UGGT2: variants seen among roughly 807,000 people sequenced by gnomAD.
The protein encoded by UGGT2 is UDP-glucose:glycoprotein glucosyltransferase 2.
UGGT2 carries 180 observed loss-of-function variants against 192.1 expected under a neutral mutation model. That is an observed-to-expected ratio of 0.94 (90% CI 0.83 to 1.06). The LOEUF (loss-of-function observed/expected upper bound fraction) is 1.06, where lower values mean the gene tolerates loss of function less well. Ranked by LOEUF, UGGT2 falls within the 50% of genes least tolerant of loss-of-function variation. UGGT2 has a pLI of 0.00. For missense variants in UGGT2, 1,849 were observed against 1,795.7 expected (o/e 1.03, Z -0.54); for synonymous variants, 580 against 591.0 (o/e 0.98, Z 0.27).
chr13:95,806,093 C>G (rs1440857126), intron 38 of UGGT2, among the ~76,000 whole-genome samples: 2 of 122,158 alleles, frequency 1.6e-5, no homozygotes, highest in African/African-American at 6.4e-5. Context: ...TAAACAAAGA[C>G]AGGAGTCATT....
chr13:96,031,996 G>T, intron 1 of UGGT2, 25 bp from the exon 2 acceptor site: 1 of 1,534,314 alleles, frequency 6.5e-7, no homozygotes, highest in African/African-American at 1.4e-5. Flanking sequence ...GAAGTAATCG[G>T]TTAGTAGATG....
chr13:95,947,316 A>C, intron 14 of UGGT2, 144 bp from the exon 15 acceptor site: 1 of 851,416 alleles, frequency 1.2e-6, no homozygotes, highest in Non-Finnish European at 1.7e-6. Context: ...ATCACTTCAA[A>C]AGTTTGAATG....
chr13:96,008,827 G>A (rs561386471), intron 5 of UGGT2, among the ~76,000 whole-genome samples: 1 of 152,266 alleles, frequency 6.6e-6, no homozygotes, highest in Admixed American at 6.5e-5. Flanking sequence ...CAGATTCAAG[G>A]CTATTCCTAT....
intron 2 of UGGT2, among the ~76,000 whole-genome samples, chr13:96,030,122 C>A (rs2052788770): frequency 6.6e-6 from 1 of 152,168 alleles, no homozygotes; most frequent in Non-Finnish European, 1.5e-5. Context: ...ACATTCCATT[C>A]CGGTCTCTTC....
chr13:95,864,050 A>ATAGC (rs1444195914), intron 30 of UGGT2, among the ~76,000 whole-genome samples: 1 of 152,196 alleles, frequency 6.6e-6, no homozygotes, highest in African/African-American at 2.4e-5. Flanking sequence ...TGACAGATGA[A>ATAGC]TAGCTCACTT....
intron 29 of UGGT2, among the ~76,000 whole-genome samples, chr13:95,870,882 C>T (rs1891159476): frequency 1.3e-5 from 2 of 152,146 alleles, no homozygotes; most frequent in Non-Finnish European, 2.9e-5. Flanking sequence ...AGTGGTGCTA[C>T]CACAAAAGGG....
chr13:95,855,343 T>C (rs2140046837), intron 34 of UGGT2, among the ~76,000 whole-genome samples: 1 of 152,114 alleles, frequency 6.6e-6, no homozygotes, highest in South Asian at 2.1e-4. Flanking sequence ...ATCCATTTAC[T>C]TTATATTTTC....
intron 29 of UGGT2, among the ~76,000 whole-genome samples, chr13:95,876,119 T>C (rs1891654739): frequency 6.6e-6 from 1 of 152,300 alleles, no homozygotes; most frequent in Middle Eastern, 3.4e-3. Flanking sequence ...GAACATTAAA[T>C]ACTTACTTTT....
rs368248491 is a variant in UGGT2 at position 95,980,172 on chromosome 13, GAA to G, written c.1092+3630_1092+3631del. The stretch of plus-strand genomic sequence containing the variant: ...AGGGGTGGGGGGGAAGTCATTATAT[GAA>G]AAAGATACTTGCATATGCATGTTTA... On this transcript the variant is annotated intron_variant, in intron 10 of 38. Coordinates refer to ENST00000376747, the MANE Select transcript of UGGT2 (RefSeq NM_020121.4). Among the ~76,000 whole-genome samples the G allele has an allele frequency of 3.2e-4, 48 of 152,226 alleles. 1 individual carries two copies. In the South Asian group the frequency reaches 9.5e-3, roughly 30 times the overall value.
At chr13:95,862,370 T>A (rs1013368529) in intron 31 of UGGT2, among the ~76,000 whole-genome samples, 1 of 152,214 alleles carries the variant, frequency 6.6e-6, no homozygotes, top group Non-Finnish European at 1.5e-5. Context: ...ATAGCTCACA[T>A]TGGGTTCAAA....
At chr13:95,883,990 A>G (rs1428202572) in intron 27 of UGGT2, among the ~76,000 whole-genome samples, 5 of 149,158 alleles carry the variant, frequency 3.4e-5, no homozygotes, top group African/African-American at 1.2e-4. Context: ...GGCCTGTAGT[A>G]TACCGCAAAT....
chr13:95,814,572 A>G (rs552002054), intron 38 of UGGT2, among the ~76,000 whole-genome samples: 1 of 152,306 alleles, frequency 6.6e-6, no homozygotes, highest in Non-Finnish European at 1.5e-5. Flanking sequence ...ACAGGCTCAT[A>G]GGCGAAGGGA....
chr13:95,845,580 A>G (rs575891380), intron 36 of UGGT2, among the ~76,000 whole-genome samples: 1 of 151,774 alleles, frequency 6.6e-6, no homozygotes, highest in East Asian at 1.9e-4. Context: ...TTCTACACAG[A>G]CACAGTAACA....
At chr13:95,992,726 C>T (rs2051496302) in intron 7 of UGGT2, among the ~76,000 whole-genome samples, 1 of 152,220 alleles carries the variant, frequency 6.6e-6, no homozygotes, top group South Asian at 2.1e-4. Flanking sequence ...CCACGAGATA[C>T]CCTCTCACGC....
intron 22 of UGGT2, among the ~76,000 whole-genome samples, chr13:95,899,593 G>C (rs992513385): frequency 6.6e-6 from 1 of 151,890 alleles, no homozygotes; most frequent in Admixed American, 6.6e-5. Flanking sequence ...CAAGACATAG[G>C]ATAGCTTTTC....
chr13:95,855,115 A>G, intron 34 of UGGT2, among the ~76,000 whole-genome samples: 1 of 145,996 alleles, frequency 6.8e-6, no homozygotes, highest in East Asian at 2.0e-4. Flanking sequence ...GTAAAAAAAA[A>G]AAAAAAAAAA....
At chr13:96,036,422 G>A (rs962092288) in intron 1 of UGGT2, among the ~76,000 whole-genome samples, 7 of 152,148 alleles carry the variant, frequency 4.6e-5, no homozygotes, top group African/African-American at 1.7e-4. Flanking sequence ...AGGGGACGGA[G>A]AGCACCAAGA....
intron 31 of UGGT2, among the ~76,000 whole-genome samples, chr13:95,861,380 T>C (rs1246917371): frequency 1.3e-5 from 2 of 152,102 alleles, no homozygotes; most frequent in Non-Finnish European, 2.9e-5. Context: ...ACCAAGCAGA[T>C]TTTCTCCACC....
chr13:96,012,741 CAT>C (rs951387809), intron 5 of UGGT2, among the ~76,000 whole-genome samples: 16 of 51,112 alleles, frequency 3.1e-4, no homozygotes, highest in Non-Finnish European at 5.2e-4. Context: ...TATTCATACG[CAT>C]GTGTGTGTGT....
Sources: allele counts gnomAD v4.1 joint callset (sites outside exome capture counted in the v4.1 genomes callset), GRCh38; gene constraint gnomAD v4.1.1; transcripts MANE v1.5; gene names NCBI Gene and HGNC (gene_info 2026-07-23, HGNC 2026-07-21).